The following BTRC variants were observed in gnomAD, a reference collection of about 807,000 sequenced individuals.
BTRC encodes the protein beta-transducin repeat containing E3 ubiquitin protein ligase.
In BTRC, 42 loss-of-function variants were observed where a neutral mutation model predicts 85.5. The observed-to-expected ratio is 0.49, with a 90% CI of 0.38 to 0.64. The LOEUF (loss-of-function observed/expected upper bound fraction) is 0.64, where lower values mean the gene tolerates loss of function less well. Ranked by LOEUF, BTRC falls within the 30% of genes least tolerant of loss-of-function variation. BTRC has a pLI of 0.00. For synonymous variants in BTRC, 255 were observed against 263.3 expected (o/e 0.97, Z 0.30); for missense variants, 594 against 743.5 (o/e 0.80, Z 2.34).
intron 3 of BTRC, among the ~76,000 whole-genome samples, chr10:101,470,469 A>T (rs1271945840): frequency 6.6e-6 from 1 of 150,970 alleles, no homozygotes; most frequent in Admixed American, 6.6e-5. Flanking sequence ...AGTAGATGGG[A>T]TTACAGGCAT....
intron 1 of BTRC, among the ~76,000 whole-genome samples, chr10:101,423,801 C>T (rs1310057017): frequency 6.6e-6 from 1 of 152,158 alleles, no homozygotes; most frequent in Non-Finnish European, 1.5e-5. Flanking sequence ...TTTTGTACTC[C>T]ACCTGTGCCC....
intron 13 of BTRC, among the ~76,000 whole-genome samples, chr10:101,538,591 G>C (rs1564835485): frequency 1.3e-5 from 2 of 152,156 alleles, no homozygotes; most frequent in Admixed American, 6.5e-5. Flanking sequence ...TGTGGCAGCT[G>C]TTTAACAGCT....
chr10:101,485,767 G>C (rs749040474), intron 4 of BTRC, among the ~76,000 whole-genome samples: 3 of 152,072 alleles, frequency 2.0e-5, no homozygotes, highest in Non-Finnish European at 4.4e-5. Context: ...TAATAGGCTC[G>C]AGCTTGTCTT....
intron 4 of BTRC, among the ~76,000 whole-genome samples, chr10:101,484,731 T>A (rs1945937457): frequency 6.6e-6 from 1 of 152,224 alleles, no homozygotes; most frequent in Non-Finnish European, 1.5e-5. Flanking sequence ...TTGAGGCTGA[T>A]GTGGTTGGAA....
intron 1 of BTRC, among the ~76,000 whole-genome samples, chr10:101,368,547 A>G (rs1250620222): frequency 5.4e-5 from 7 of 129,886 alleles, no homozygotes; most frequent in African/African-American, 1.5e-4. Flanking sequence ...TGGCATGATC[A>G]TGGGTCACTG....
At chr10:101,484,158 C>CTG (rs146391270) in intron 4 of BTRC, among the ~76,000 whole-genome samples, 3,961 of 152,286 alleles carry the variant, frequency 0.026, 74 homozygotes, top group Non-Finnish European at 0.04. Context: ...GTTGTTGTCA[C>CTG]TGTTTTTTTA....
intron 3 of BTRC, among the ~76,000 whole-genome samples, chr10:101,471,584 TC>T: frequency 6.6e-6 from 1 of 152,158 alleles, no homozygotes; most frequent in African/African-American, 2.4e-5. Flanking sequence ...GTTATGCTGG[TC>T]TTATAAAATG....
chr10:101,436,484 A>C (rs1944532864), intron 2 of BTRC, among the ~76,000 whole-genome samples: 1 of 152,144 alleles, frequency 6.6e-6, no homozygotes, highest in Non-Finnish European at 1.5e-5. Context: ...GTCTCTACAA[A>C]AAATTAGCTG....
chr10:101,550,481 A>G (rs1167976890), intron 13 of BTRC, among the ~76,000 whole-genome samples: 1 of 151,816 alleles, frequency 6.6e-6, no homozygotes. Context: ...ATGGGGTTTC[A>G]CTGTGTTAGC....
intron 2 of BTRC, among the ~76,000 whole-genome samples, chr10:101,450,036 GT>G (rs573860145): frequency 4.1e-5 from 6 of 146,268 alleles, no homozygotes; most frequent in East Asian, 2.0e-4. Flanking sequence ...GGTAGGAAGT[GT>G]TTTTTTTTGT....
At chr10:101,494,786 AC>A (rs1389756017) in intron 4 of BTRC, among the ~76,000 whole-genome samples, 1 of 152,204 alleles carries the variant, frequency 6.6e-6, no homozygotes, top group East Asian at 1.9e-4. Flanking sequence ...TAATTATTGA[AC>A]TTTTAATACC....
intron 4 of BTRC, among the ~76,000 whole-genome samples, chr10:101,485,450 C>A (rs1273577635): frequency 6.6e-6 from 1 of 152,244 alleles, no homozygotes; most frequent in Admixed American, 6.5e-5. Flanking sequence ...CAGAGCAGAT[C>A]TGCAGAGAAA....
intron 13 of BTRC, among the ~76,000 whole-genome samples, chr10:101,539,285 A>G (rs1004545109): frequency 6.6e-6 from 1 of 152,228 alleles, no homozygotes; most frequent in Non-Finnish European, 1.5e-5. Context: ...CCATTAGAAA[A>G]TTAGTTGGAG....
intron 2 of BTRC, among the ~76,000 whole-genome samples, chr10:101,442,262 A>ATCTCTCCCTCTCTCTCTC (rs1944702245): frequency 7.7e-6 from 1 of 129,618 alleles, no homozygotes; most frequent in Admixed American, 8.0e-5. Context: ...TTGAATTAGA[A>ATCTCTCCCTCTCTCTCTC]TCTCTCTCTC....
intron 4 of BTRC, among the ~76,000 whole-genome samples, chr10:101,505,151 G>A (rs1259708757): frequency 1.6e-4 from 15 of 95,326 alleles, no homozygotes; most frequent in Admixed American, 5.8e-4. Flanking sequence ...ATATATATAT[G>A]TATATGTATA....
At chr10:101,517,810 C>T (rs565241007) in intron 4 of BTRC, among the ~76,000 whole-genome samples, 8 of 151,988 alleles carry the variant, frequency 5.3e-5, no homozygotes, top group Non-Finnish European at 1.2e-4. Flanking sequence ...GATCTGTCTT[C>T]AGAATATACA....
chr10:101,436,264 A>G (rs1944526441), intron 2 of BTRC, among the ~76,000 whole-genome samples: 1 of 152,202 alleles, frequency 6.6e-6, no homozygotes, highest in Non-Finnish European at 1.5e-5. Flanking sequence ...AATAGAGTTA[A>G]AGTAATTAAA....
chr10:101,419,995 T>A (rs767651102), intron 1 of BTRC, among the ~76,000 whole-genome samples: 2 of 152,094 alleles, frequency 1.3e-5, no homozygotes, highest in African/African-American at 2.4e-5. Flanking sequence ...TTTGTTGCTA[T>A]TAGGTTGCTC....
chr10:101,447,777 C>G (rs140438501), intron 2 of BTRC, among the ~76,000 whole-genome samples: 4 of 152,010 alleles, frequency 2.6e-5, no homozygotes, highest in African/African-American at 7.2e-5. Context: ...TTAAAATTAG[C>G]CTAATTTGAA....
Sources: allele counts gnomAD v4.1 joint callset (sites outside exome capture counted in the v4.1 genomes callset), GRCh38; gene constraint gnomAD v4.1.1; transcripts MANE v1.5; gene names NCBI Gene and HGNC (gene_info 2026-07-23, HGNC 2026-07-21).